Variants in HS2ST1 observed in about 807,000 individuals in gnomAD.
HS2ST1 encodes 2-O-sulfotransferase.
In HS2ST1, 18 loss-of-function variants were observed where a neutral mutation model predicts 42.9. The ratio of observed to expected loss-of-function variants is 0.42; its 90% confidence interval spans 0.29 to 0.62. HS2ST1 has a LOEUF of 0.62. Ranked by LOEUF, HS2ST1 falls within the 20% of genes least tolerant of loss-of-function variation. The pLI, the probability that HS2ST1 is intolerant of heterozygous loss-of-function variation, is 0.21. For synonymous variants in HS2ST1, 146 were observed against 152.9 expected, an observed-to-expected ratio of 0.95 and a Z score of 0.33; for missense variants, 334 against 433.8, an observed-to-expected ratio of 0.77 and a Z score of 2.04.
intron 1 of HS2ST1, among the ~76,000 whole-genome samples, chr1:86,998,527 T>C (rs1649171961): frequency 6.6e-6 from 1 of 152,212 alleles, no homozygotes; most frequent in African/African-American, 2.4e-5. Context: ...ACAGTGGTTT[T>C]ACTACAGAAG....
chr1:86,969,474 C>T (rs1273240127), intron 1 of HS2ST1, among the ~76,000 whole-genome samples: 3 of 151,980 alleles, frequency 2.0e-5, no homozygotes, highest in African/African-American at 4.8e-5. Flanking sequence ...TTCATTTCAG[C>T]GTGAAGGTTG....
At chr1:87,087,734 A>G (rs76472449) in intron 3 of HS2ST1, among the ~76,000 whole-genome samples, 4,124 of 152,248 alleles carry the variant, frequency 0.027, 198 homozygotes, top group African/African-American at 0.093. Flanking sequence ...ATGTCACAAC[A>G]TTGTAGATAC....
At chr1:87,034,529 T>C (rs1415822179) in intron 1 of HS2ST1, among the ~76,000 whole-genome samples, 2 of 152,210 alleles carry the variant, frequency 1.3e-5, no homozygotes, top group Non-Finnish European at 2.9e-5. Flanking sequence ...ATGGAACCAT[T>C]CAACGAACTA....
intron 1 of HS2ST1, among the ~76,000 whole-genome samples, chr1:87,024,011 A>G (rs778147304): frequency 9.2e-5 from 14 of 152,218 alleles, no homozygotes; most frequent in Non-Finnish European, 1.9e-4. Context: ...TCTCCAAAGG[A>G]CAAAAATAGA....
chr1:87,055,771 A>T (rs908228160), intron 1 of HS2ST1, among the ~76,000 whole-genome samples: 1 of 152,234 alleles, frequency 6.6e-6, no homozygotes, highest in South Asian at 2.1e-4. Flanking sequence ...TGGTGGTACC[A>T]AACTGTACTA....
chr1:87,069,337 T>C (rs1570527129), intron 1 of HS2ST1, among the ~76,000 whole-genome samples: 1 of 152,210 alleles, frequency 6.6e-6, no homozygotes, highest in Admixed American at 6.5e-5. Context: ...ACATTCTAAG[T>C]GCACTGCAAA....
chr1:87,059,050 C>T (rs982184181), intron 1 of HS2ST1, among the ~76,000 whole-genome samples: 10 of 152,094 alleles, frequency 6.6e-5, no homozygotes, highest in African/African-American at 2.2e-4. Context: ...CAGAGTGAGA[C>T]TCCGTCTCAA....
intron 1 of HS2ST1, among the ~76,000 whole-genome samples, chr1:86,978,861 C>CTTTTTTTT (rs55812524): frequency 1.2e-4 from 12 of 98,668 alleles, no homozygotes; most frequent in East Asian, 6.7e-4. Context: ...ACTTGTGAAT[C>CTTTTTTTT]TTTTTTTTTT....
chr1:87,019,447 C>T (rs528830832), intron 1 of HS2ST1, among the ~76,000 whole-genome samples: 1 of 152,288 alleles, frequency 6.6e-6, no homozygotes, highest in East Asian at 1.9e-4. Context: ...CTGGGCCCTG[C>T]CCCCATCATA....
chr1:86,956,546 C>T (rs1255800628), intron 1 of HS2ST1: 1 of 152,174 alleles, frequency 6.6e-6, no homozygotes, highest in African/African-American at 2.4e-5. Context: ...CAGTGTGAAC[C>T]TGCCCAGAAG....
At chr1:86,928,184 T>C (rs1047577444) in intron 1 of HS2ST1, among the ~76,000 whole-genome samples, 1 of 152,092 alleles carries the variant, frequency 6.6e-6, no homozygotes, top group Non-Finnish European at 1.5e-5. Context: ...TGATTAGGGC[T>C]ATCTGCGTCT....
chr1:86,919,958 T>G (rs1386453012), intron 1 of HS2ST1, among the ~76,000 whole-genome samples: 2 of 152,240 alleles, frequency 1.3e-5, no homozygotes, highest in Non-Finnish European at 2.9e-5. Flanking sequence ...TGTGACTCGT[T>G]ACTATAAAAT....
chr1:87,053,570 A>G (rs918824005), intron 1 of HS2ST1, among the ~76,000 whole-genome samples: 1 of 152,198 alleles, frequency 6.6e-6, no homozygotes, highest in Admixed American at 6.5e-5. Flanking sequence ...AAAAAATGCT[A>G]GCAGAGATTT....
intron 1 of HS2ST1, among the ~76,000 whole-genome samples, chr1:86,918,715 T>C (rs1217014773): frequency 6.6e-6 from 1 of 152,020 alleles, no homozygotes; most frequent in Non-Finnish European, 1.5e-5. Flanking sequence ...TGTAGTAATC[T>C]ACACTGCCAG....
At chr1:86,938,088 T>C (rs780860628) in intron 1 of HS2ST1, among the ~76,000 whole-genome samples, 1 of 151,762 alleles carries the variant, frequency 6.6e-6, no homozygotes, top group Non-Finnish European at 1.5e-5. Flanking sequence ...TCTGAAATCC[T>C]CTGGAAGGAA....
At chr1:87,049,126 G>T (rs992169683) in intron 1 of HS2ST1, among the ~76,000 whole-genome samples, 4 of 151,896 alleles carry the variant, frequency 2.6e-5, no homozygotes, top group African/African-American at 9.7e-5. Flanking sequence ...AGGTTATTCT[G>T]TTTAGCTATC....
In HS2ST1 at chr1:86,915,255, G is replaced by T. The variant is rs1281591542; in HGVS notation, c.124+95G>T. On this transcript the variant is annotated intron_variant, in intron 1 of 6. Coordinates refer to ENST00000370550, the MANE Select transcript of HS2ST1 (RefSeq NM_012262.4). ...TGGGCGTTCATCTAACCTGGGGTCT[G>T]GCTCGGGGGCTGAAAGCGGTTTCAA... 2.1e-6 allele frequency: 3 copies of T among 1,397,242 alleles called. No individual in the cohort carries two copies. In the African/African-American group the frequency reaches 4.4e-5, roughly 20 times the overall value. The allele number at this position is 1,397,242 out of a possible 1,614,324, so 86.6% of individuals were successfully genotyped here.
At chr1:86,937,279 T>C (rs1660677955) in intron 1 of HS2ST1, among the ~76,000 whole-genome samples, 1 of 152,174 alleles carries the variant, frequency 6.6e-6, no homozygotes, top group Admixed American at 6.5e-5. Context: ...TCCAGAGGTA[T>C]TAATTAAGTA....
At chr1:87,102,127 G>A (rs912830029) in intron 5 of HS2ST1, among the ~76,000 whole-genome samples, 2 of 150,996 alleles carry the variant, frequency 1.3e-5, no homozygotes, top group Non-Finnish European at 3.0e-5. Flanking sequence ...GTGTGATCTC[G>A]GCTCACCGCA....
Sources: gnomAD v4.1 joint callset for allele counts (sites outside exome capture counted in the v4.1 genomes callset) on GRCh38, gnomAD v4.1.1 for gene constraint, MANE v1.5 for transcripts, NCBI Gene and HGNC (gene_info 2026-07-23, HGNC 2026-07-21) for gene names.